KCNH7: variants seen among roughly 807,000 people sequenced by gnomAD.
KCNH7 encodes voltage-gated inwardly rectifying potassium channel KCNH7.
Under a neutral mutation model 120.8 loss-of-function variants are expected in KCNH7, and 49 were observed. That is an observed-to-expected ratio of 0.41 (90% CI 0.32 to 0.51). KCNH7 has a LOEUF of 0.51. Ranked by LOEUF, KCNH7 falls within the 20% of genes least tolerant of loss-of-function variation. KCNH7 has a pLI of 0.38. For synonymous variants in KCNH7, 547 were observed against 516.1 expected (o/e 1.06, Z -0.81); for missense variants, 1,097 against 1,446.6 (o/e 0.76, Z 3.92).
At chr2:162,650,130 A>G (rs369587819) in intron 2 of KCNH7, among the ~76,000 whole-genome samples, 14 of 152,270 alleles carry the variant, frequency 9.2e-5, no homozygotes, top group African/African-American at 3.1e-4. Flanking sequence ...GCATTATCTT[A>G]TATTTCTTAG....
chr2:162,792,822 A>G (rs1369292047), intron 2 of KCNH7, among the ~76,000 whole-genome samples: 1 of 131,846 alleles, frequency 7.6e-6, no homozygotes, highest in Non-Finnish European at 1.6e-5. Context: ...AATCTCCTTC[A>G]GTTCAGCTCT....
chr2:162,639,712 A>T (rs992696668), intron 2 of KCNH7, among the ~76,000 whole-genome samples: 9 of 152,140 alleles, frequency 5.9e-5, no homozygotes, highest in Admixed American at 5.9e-4. Context: ...ACACAGTGCT[A>T]GAAATTCTAG....
intron 6 of KCNH7, among the ~76,000 whole-genome samples, chr2:162,480,087 A>C (rs1422241233): frequency 3.9e-5 from 6 of 152,086 alleles, no homozygotes; most frequent in Non-Finnish European, 7.4e-5. Flanking sequence ...AGTTGAAGGC[A>C]AGCATTAGAT....
chr2:162,419,275 A>G (rs977280175), intron 9 of KCNH7, among the ~76,000 whole-genome samples: 1 of 88,356 alleles, frequency 1.1e-5, no homozygotes, highest in Admixed American at 1.4e-4. Flanking sequence ...GTCCCAGGCT[A>G]AAAAAAAAAA....
chr2:162,626,287 G>C (rs1031912030), intron 2 of KCNH7, among the ~76,000 whole-genome samples: 5 of 152,094 alleles, frequency 3.3e-5, no homozygotes, highest in African/African-American at 1.2e-4. Flanking sequence ...GGCATATTTG[G>C]ATGATGAAGG....
intron 2 of KCNH7, among the ~76,000 whole-genome samples, chr2:162,632,538 A>G (rs1181755871): frequency 6.6e-6 from 1 of 151,904 alleles, no homozygotes; most frequent in Non-Finnish European, 1.5e-5. Flanking sequence ...ATGAAAAAGA[A>G]AATATTCAAT....
chr2:162,763,419 C>G (rs1239850764), intron 2 of KCNH7, among the ~76,000 whole-genome samples: 2 of 152,118 alleles, frequency 1.3e-5, no homozygotes, highest in Non-Finnish European at 2.9e-5. Flanking sequence ...CACCCACACA[C>G]AGTTGACTTT....
intron 2 of KCNH7, among the ~76,000 whole-genome samples, chr2:162,621,781 A>G (rs756336847): frequency 9.2e-4 from 140 of 152,300 alleles, no homozygotes; most frequent in Non-Finnish European, 1.8e-3. Context: ...TTCACTATAC[A>G]AAGTAACCAT....
intron 6 of KCNH7, among the ~76,000 whole-genome samples, chr2:162,503,583 T>A (rs1690763210): frequency 6.6e-6 from 1 of 152,068 alleles, no homozygotes. Context: ...GAAACAGTAC[T>A]ATAGTGTGGT....
At chr2:162,380,130 G>A in intron 13 of KCNH7, 109 bp from the exon 14 acceptor site, 4 of 1,295,492 alleles carry the variant, frequency 3.1e-6, no homozygotes, top group South Asian at 2.8e-5. Context: ...TAACCTGAGA[G>A]ACAGAGAACC....
chr2:162,589,634 C>G (rs924245663), intron 2 of KCNH7, among the ~76,000 whole-genome samples: 1 of 152,004 alleles, frequency 6.6e-6, no homozygotes, highest in African/African-American at 2.4e-5. Context: ...CTCCACTCCC[C>G]CAGCAGAGCA....
chr2:162,790,907 C>T (rs1683913804), intron 2 of KCNH7, among the ~76,000 whole-genome samples: 1 of 151,938 alleles, frequency 6.6e-6, no homozygotes, highest in South Asian at 2.1e-4. Context: ...AACTTTTTCT[C>T]TAAGACCAGG....
intron 2 of KCNH7, among the ~76,000 whole-genome samples, chr2:162,594,283 T>C (rs1250316245): frequency 2.0e-5 from 3 of 151,998 alleles, no homozygotes; most frequent in African/African-American, 7.2e-5. Context: ...TTAACTACTT[T>C]TAGTCTTTGT....
intron 2 of KCNH7, among the ~76,000 whole-genome samples, chr2:162,627,243 A>T (rs2105209012): frequency 6.6e-6 from 1 of 152,270 alleles, no homozygotes; most frequent in Middle Eastern, 3.4e-3. Context: ...CAGCTATTGG[A>T]GAAGTCTGTG....
intron 2 of KCNH7, among the ~76,000 whole-genome samples, chr2:162,684,329 A>G (rs1016465263): frequency 2.0e-5 from 3 of 152,184 alleles, no homozygotes; most frequent in Non-Finnish European, 2.9e-5. Flanking sequence ...CAATGGCAAC[A>G]AAAGCCAAAA....
intron 8 of KCNH7, among the ~76,000 whole-genome samples, chr2:162,428,011 T>C (rs1325351458): frequency 6.6e-6 from 1 of 151,840 alleles, no homozygotes; most frequent in Admixed American, 6.6e-5. Flanking sequence ...ACTTCTGCTC[T>C]TATATCTATT....
At chr2:162,385,278 A>G (rs987685610) in intron 12 of KCNH7, among the ~76,000 whole-genome samples, 4 of 151,950 alleles carry the variant, frequency 2.6e-5, no homozygotes, top group Non-Finnish European at 1.5e-5. Flanking sequence ...ACAAGGGAAA[A>G]TGTGTCCCAA....
intron 2 of KCNH7, among the ~76,000 whole-genome samples, chr2:162,638,012 C>T (rs73028555): frequency 0.028 from 4,235 of 152,082 alleles, 213 homozygotes; most frequent in African/African-American, 0.097. Flanking sequence ...ATAGGATGCA[C>T]CCCTCACATT....
At chr2:162,597,542 A>G (rs551544284) in intron 2 of KCNH7, among the ~76,000 whole-genome samples, 75 of 152,170 alleles carry the variant, frequency 4.9e-4, no homozygotes, top group African/African-American at 1.7e-3. Flanking sequence ...GGGAGGTATG[A>G]AGGTGTAAAT....
Sources: gnomAD v4.1 joint callset for allele counts (sites outside exome capture counted in the v4.1 genomes callset) on GRCh38, gnomAD v4.1.1 for gene constraint, MANE v1.5 for transcripts, NCBI Gene and HGNC (gene_info 2026-07-23, HGNC 2026-07-21) for gene names.